EYS: variants seen among roughly 807,000 people sequenced by gnomAD.
EYS encodes the protein protein eyes shut homolog.
A neutral mutation model predicts 282.1 loss-of-function variants in EYS; 250 were observed. The ratio of observed to expected loss-of-function variants is 0.89; its 90% CI spans 0.80 to 0.98. The LOEUF (loss-of-function observed/expected upper bound fraction) is 0.98, where lower values mean the gene tolerates loss of function less well. Ranked by LOEUF, EYS falls within the 50% of genes least tolerant of loss-of-function variation. The probability of loss-of-function intolerance (pLI) is 0.00; values close to 1 mark genes in which losing one functional copy is unlikely to be tolerated. For synonymous variants in EYS, 1,355 were observed against 1,282.9 expected, an observed-to-expected ratio of 1.06 and a Z score of -1.20; for missense variants, 4,016 against 3,709.0, an observed-to-expected ratio of 1.08 and a Z score of -2.15.
intron 33 of EYS, among the ~76,000 whole-genome samples, chr6:64,048,941 C>T (rs1189788781): frequency 6.6e-6 from 1 of 152,092 alleles, no homozygotes; most frequent in Admixed American, 6.6e-5. Flanking sequence ...CTGTTTCTCT[C>T]ACTTGAAATG....
In EYS at chr6:64,344,090, A is replaced by G. The variant is rs530171591; in HGVS notation, c.6079-37008T>C. The stretch of plus-strand genomic sequence containing the variant: ...TAGCTTACCAACCAAAAAAAAGTCC[A>G]GGACAAGATGGATTCACAGCCGAAT... On this transcript the variant is annotated intron_variant, in intron 29 of 42. Coordinates refer to ENST00000503581, the MANE Select transcript of EYS (RefSeq NM_001142800.2). 6.6e-4 allele frequency among the ~76,000 whole-genome samples: 100 copies of G among 152,180 alleles called. 1 individual carries two copies. Among genetic ancestry groups the G allele is most frequent in the Admixed American group, 9.8e-4 (15 of 15,268 alleles).
At chr6:63,828,380 G>GAAATAGGAGATGTTATA (rs139718235) in intron 36 of EYS, among the ~76,000 whole-genome samples, 20,284 of 152,116 alleles carry the variant, frequency 0.13, 1,718 homozygotes, top group African/African-American at 0.24. Context: ...ACGAAGAAAT[G>GAAATAGGAGATGTTATA]ACTGACACCA....
intron 22 of EYS, among the ~76,000 whole-genome samples, chr6:64,750,836 C>A (rs534483213): frequency 6.6e-6 from 1 of 152,236 alleles, no homozygotes; most frequent in African/African-American, 2.4e-5. Context: ...GGGTGATCAG[C>A]ATGCATGGAG....
At chr6:64,760,124 T>C (rs1164624855) in intron 22 of EYS, among the ~76,000 whole-genome samples, 1 of 152,186 alleles carries the variant, frequency 6.6e-6, no homozygotes, top group Non-Finnish European at 1.5e-5. Context: ...CAAGGATAAT[T>C]TGATGCAGGC....
chr6:63,898,901 A>T (rs932551813), intron 35 of EYS, among the ~76,000 whole-genome samples: 1 of 152,336 alleles, frequency 6.6e-6, no homozygotes, highest in Non-Finnish European at 1.5e-5. Flanking sequence ...TTAGTGCATC[A>T]TTATGAAGAA....
At chr6:64,174,174 T>C (rs1241957665) in intron 31 of EYS, among the ~76,000 whole-genome samples, 1 of 152,102 alleles carries the variant, frequency 6.6e-6, no homozygotes, top group Non-Finnish European at 1.5e-5. Flanking sequence ...TTAAATAAAA[T>C]ATCTGGCCAA....
intron 18 of EYS, among the ~76,000 whole-genome samples, chr6:64,897,574 G>T (rs1191525856): frequency 6.6e-6 from 1 of 152,180 alleles, no homozygotes; most frequent in Non-Finnish European, 1.5e-5. Flanking sequence ...TTTCTCACCA[G>T]CAAGGGAACA....
intron 2 of EYS, among the ~76,000 whole-genome samples, chr6:65,531,981 G>A (rs1767787147): frequency 6.6e-6 from 1 of 152,078 alleles, no homozygotes; most frequent in South Asian, 2.1e-4. Context: ...ACTGTGTGAT[G>A]TGGATAATAT....
Position 65,402,557 on chromosome 6 carries a change from T to C in EYS, c.1105A>G (p.Ser369Gly). The C allele has an allele frequency of 1.3e-6, 2 of 1,577,500 alleles. No individual in the cohort carries two copies. Among genetic ancestry groups the C allele is most frequent in the Non-Finnish European group, 1.7e-6 (2 of 1,147,594 alleles). ...SPIFTDLLCKSIQTSCESFPL... is the reference protein window; with the variant it reads ...SPIFTDLLCKGIQTSCESFPL... ...AATGACTCACATGATGTTTGAATGCTCTTACAAAGCAAATCTGTAAATATT... is the reference window on the plus strand; with the variant it reads ...AATGACTCACATGATGTTTGAATGCCCTTACAAAGCAAATCTGTAAATATT... Residue 369 changes from serine to glycine, a missense_variant, in exon 7 of 43, where the codon AGC becomes GGC. By Grantham distance (56) the Ser-to-Gly change is moderately conservative (BLOSUM62 0). Transcript: ENST00000503581.
At chr6:64,027,132 G>T (rs1470230910) in intron 33 of EYS, among the ~76,000 whole-genome samples, 3 of 152,312 alleles carry the variant, frequency 2.0e-5, no homozygotes, top group Admixed American at 2.0e-4. Context: ...CTACCAGTCA[G>T]CAAGCCATCC....
chr6:65,498,902 C>T (rs952777003), intron 2 of EYS, among the ~76,000 whole-genome samples: 14 of 152,104 alleles, frequency 9.2e-5, no homozygotes, highest in Middle Eastern at 3.4e-3. Flanking sequence ...TCTAAACACA[C>T]ATATTGATTA....
chr6:64,500,037 T>C (rs963998013), intron 26 of EYS, among the ~76,000 whole-genome samples: 1 of 152,066 alleles, frequency 6.6e-6, no homozygotes, highest in Non-Finnish European at 1.5e-5. Flanking sequence ...AGGAAACAAA[T>C]TTATATGGGG....
chr6:65,047,324 G>C (rs1273819220), intron 13 of EYS, among the ~76,000 whole-genome samples: 2 of 151,540 alleles, frequency 1.3e-5, no homozygotes, highest in African/African-American at 4.8e-5. Flanking sequence ...CTTTGTATTT[G>C]GTTACTTTAT....
intron 2 of EYS, among the ~76,000 whole-genome samples, chr6:65,625,701 T>C (rs576846197): frequency 3.9e-5 from 6 of 152,346 alleles, no homozygotes; most frequent in South Asian, 4.1e-4. Context: ...TTAAACACAA[T>C]TGCTTATATG....
chr6:64,687,851 G>A (rs1187377526), intron 22 of EYS, among the ~76,000 whole-genome samples: 2 of 152,026 alleles, frequency 1.3e-5, no homozygotes, highest in African/African-American at 4.8e-5. Flanking sequence ...GTCTGGTCCT[G>A]GAATTTTTTT....
intron 2 of EYS, among the ~76,000 whole-genome samples, chr6:65,597,100 C>T (rs765866983): frequency 2.0e-5 from 3 of 152,038 alleles, no homozygotes; most frequent in African/African-American, 7.2e-5. Context: ...TGGTATTTTA[C>T]CTAATAATAT....
intron 26 of EYS, among the ~76,000 whole-genome samples, chr6:64,443,219 T>C (rs954326071): frequency 1.3e-5 from 2 of 152,184 alleles, no homozygotes; most frequent in African/African-American, 4.8e-5. Context: ...CCCTGCTGGA[T>C]TTTGGACTTG....
intron 14 of EYS, among the ~76,000 whole-genome samples, chr6:64,968,436 C>A (rs1176554914): frequency 1.3e-5 from 2 of 152,076 alleles, no homozygotes; most frequent in Non-Finnish European, 2.9e-5. Context: ...TCTTCATTTA[C>A]AAATTAAATT....
chr6:63,789,193 G>T lies in EYS; in HGVS notation c.7443C>A (p.Gly2481=), dbSNP rs1044722026. The T allele has an allele frequency of 1.3e-6, 2 of 1,551,856 alleles. No homozygotes were observed. The highest frequency in any genetic ancestry group is 2.0e-5 in the Admixed American group (1 of 51,014). The part of the protein sequence containing the change: ...GLNGDDFLAV[G]LLNGSVVYSY... ...TATAAACCACACTGCCATTGAGCAGGCCCACAGCCAGGAAGTCATCGCCAT... is the reference window on the plus strand; with the variant it reads ...TATAAACCACACTGCCATTGAGCAGTCCCACAGCCAGGAAGTCATCGCCAT... The change falls in exon 38 of 43, where the codon GGC becomes GGA. Residue 2481 remains glycine (G), a synonymous_variant. Transcript: ENST00000503581.
Sources: allele counts gnomAD v4.1 joint callset (sites outside exome capture counted in the v4.1 genomes callset), GRCh38; gene constraint gnomAD v4.1.1; transcripts MANE v1.5; gene names NCBI Gene and HGNC (gene_info 2026-07-23, HGNC 2026-07-21).